LTBP1: variants seen among roughly 807,000 people sequenced by gnomAD.
LTBP1 encodes the protein latent-transforming growth factor beta-binding protein 1.
In LTBP1, 129 loss-of-function variants were observed where a neutral mutation model predicts 207.6. The observed-to-expected ratio is 0.62, with a 90% confidence interval of 0.54 to 0.72. LTBP1 has a LOEUF of 0.72. Ranked by LOEUF, LTBP1 falls within the 30% of genes least tolerant of loss-of-function variation. The pLI, the probability that LTBP1 is intolerant of heterozygous loss-of-function variation, is 0.00. For missense variants in LTBP1, 2,281 were observed against 2,217.2 expected (o/e 1.03, Z -0.58); for synonymous variants, 963 against 833.7 (o/e 1.16, Z -2.67).
At chr2:33,365,270 A>G (rs2094971475) in intron 30 of LTBP1, 63 bp from the exon 31 acceptor site, 1 of 1,443,554 alleles carries the variant, frequency 6.9e-7, no homozygotes. Flanking sequence ...GCTGGCTTCC[A>G]ACACAGTGTT....
At chr2:33,379,250 C>CCAGGCTG (rs2095184590) in intron 31 of LTBP1, among the ~76,000 whole-genome samples, 1 of 146,052 alleles carries the variant, frequency 6.8e-6, no homozygotes, top group African/African-American at 2.5e-5. Flanking sequence ...CATTCTGTTG[C>CCAGGCTG]CCAGGCTGGA....
In LTBP1 at chr2:33,254,852, GTTTTTTTTTTTTTTTT is replaced by G. The variant is rs70938393; in HGVS notation, c.2167+2024_2167+2039del. Reference sequence around the variant, plus strand: ...TATGAGTGAGAACATGCGGTGTTTGGTTTTTTTTTTTTTTTTTTTTTTTTTTTTTTTGTATTTTCTA... The same window carrying G: ...TATGAGTGAGAACATGCGGTGTTTGGTTTTTTTTTTTTTTTGTATTTTCTA... On this transcript the variant is annotated intron_variant, in intron 11 of 33. Transcript: ENST00000404816. Among the ~76,000 whole-genome samples, 12 of 10,360 alleles carry G rather than the reference GTTTTTTTTTTTTTTTT, an allele frequency of 1.2e-3. 1 individual carries two copies. In the East Asian group the frequency reaches 0.023, roughly 20 times the overall value. The allele number at this position is 10,360 out of a possible 152,430, so 6.8% of individuals were successfully genotyped here. A position where few individuals can be genotyped will look rare whatever the true frequency, so the allele number is the denominator to read the frequency against.
chr2:33,311,797 G>A (rs995945009), intron 23 of LTBP1, among the ~76,000 whole-genome samples: 3 of 152,082 alleles, frequency 2.0e-5, no homozygotes, highest in Non-Finnish European at 4.4e-5. Context: ...ATTTGTGTCT[G>A]TGGTTTGATA....
intron 8 of LTBP1, among the ~76,000 whole-genome samples, 156 bp downstream of exon 8, chr2:33,217,810 A>G (rs1040682634): frequency 6.6e-6 from 1 of 152,210 alleles, no homozygotes; most frequent in Non-Finnish European, 1.5e-5. Flanking sequence ...AAAATTTGCA[A>G]GTCTGAAAAA....
At chr2:33,180,804 A>T (rs1253366781) in intron 5 of LTBP1, among the ~76,000 whole-genome samples, 1 of 152,162 alleles carries the variant, frequency 6.6e-6, no homozygotes, top group Non-Finnish European at 1.5e-5. Flanking sequence ...GTAGCATGTA[A>T]TTATTATATA....
At chr2:33,052,691 T>C (rs2076803706) in intron 3 of LTBP1, among the ~76,000 whole-genome samples, 1 of 152,156 alleles carries the variant, frequency 6.6e-6, no homozygotes, top group South Asian at 2.1e-4. Context: ...TATTTGTAAG[T>C]TTTCTGTATG....
chr2:33,090,347 T>C lies in LTBP1; in HGVS notation c.864-20235T>C, dbSNP rs540366247. Among the ~76,000 whole-genome samples the C allele has an allele frequency of 3.3e-5, 5 of 152,330 alleles. No homozygotes were observed. In the South Asian group the frequency reaches 8.3e-4, roughly 25 times the overall value. On this transcript the variant is annotated intron_variant, in intron 3 of 33. Transcript: ENST00000404816. ...TTGGTGGGATCACAGGTGTTGCCTT[T>C]GGTGGACTGATATTCTCATAATGGG...
chr2:33,177,291 T>C (rs67128703), intron 5 of LTBP1, among the ~76,000 whole-genome samples: 4,758 of 152,316 alleles, frequency 0.031, 97 homozygotes, highest in Non-Finnish European at 0.045. Context: ...GAGAAAATAA[T>C]TACTAAGAAT....
At chr2:33,059,292 T>A (rs1024321932) in intron 3 of LTBP1, among the ~76,000 whole-genome samples, 2 of 152,198 alleles carry the variant, frequency 1.3e-5, no homozygotes, top group Non-Finnish European at 2.9e-5. Context: ...TAAATTAGTT[T>A]TAATGTACTT....
intron 4 of LTBP1, among the ~76,000 whole-genome samples, chr2:33,129,966 G>C (rs1294596991): frequency 3.3e-5 from 5 of 152,118 alleles, no homozygotes; most frequent in Non-Finnish European, 7.4e-5. Context: ...TGAAGTAATA[G>C]ATTTGATATT....
chr2:32,975,918 C>T (rs2148654064), intron 2 of LTBP1, among the ~76,000 whole-genome samples: 1 of 152,108 alleles, frequency 6.6e-6, no homozygotes, highest in East Asian at 1.9e-4. Context: ...GCCATTTCAT[C>T]CTAGTTAAGG....
chr2:33,127,120 C>T (rs1470833455), intron 4 of LTBP1, among the ~76,000 whole-genome samples: 1 of 152,126 alleles, frequency 6.6e-6, no homozygotes, highest in Non-Finnish European at 1.5e-5. Flanking sequence ...ATTGGAATCC[C>T]TTAGAGGCAC....
chr2:33,383,209 C>T (rs150324364), intron 31 of LTBP1, among the ~76,000 whole-genome samples: 2,464 of 152,228 alleles, frequency 0.016, 64 homozygotes, highest in East Asian at 0.082. Flanking sequence ...TAAAATTAGC[C>T]GGGCATGGTG....
intron 7 of LTBP1, among the ~76,000 whole-genome samples, chr2:33,209,414 C>T (rs1158670828): frequency 1.3e-5 from 2 of 152,118 alleles, no homozygotes; most frequent in Admixed American, 6.5e-5. Flanking sequence ...AAACATAGCA[C>T]CATGACAAGT....
At chr2:33,256,557 A>C (rs1573461986) in intron 11 of LTBP1, among the ~76,000 whole-genome samples, 1 of 151,658 alleles carries the variant, frequency 6.6e-6, no homozygotes, top group East Asian at 1.9e-4. Flanking sequence ...AAATTACATC[A>C]AAGCGGGAAA....
intron 2 of LTBP1, among the ~76,000 whole-genome samples, chr2:32,961,638 G>C (rs1679132161): frequency 6.6e-6 from 1 of 152,106 alleles, no homozygotes; most frequent in Non-Finnish European, 1.5e-5. Flanking sequence ...AGTCAAATGA[G>C]GCTCATCACA....
intron 31 of LTBP1, among the ~76,000 whole-genome samples, chr2:33,377,214 C>T (rs1373472603): frequency 6.6e-6 from 1 of 152,182 alleles, no homozygotes; most frequent in African/African-American, 2.4e-5. Context: ...ATTCCCAAAC[C>T]CCAAATCCCT....
chr2:33,369,485 AG>A (rs2095041295), intron 31 of LTBP1, among the ~76,000 whole-genome samples: 1 of 152,222 alleles, frequency 6.6e-6, no homozygotes, highest in African/African-American at 2.4e-5. Context: ...CCAGGGTTCC[AG>A]GAAACGCATG....
At chr2:33,361,867 T>C (rs1371554297) in intron 28 of LTBP1, among the ~76,000 whole-genome samples, 3 of 152,190 alleles carry the variant, frequency 2.0e-5, no homozygotes, top group African/African-American at 7.2e-5. Flanking sequence ...AGATGCTTAA[T>C]AGAAATCATA....
Sources: gnomAD v4.1 joint callset for allele counts (sites outside exome capture counted in the v4.1 genomes callset) on GRCh38, gnomAD v4.1.1 for gene constraint, MANE v1.5 for transcripts, NCBI Gene and HGNC (gene_info 2026-07-23, HGNC 2026-07-21) for gene names.